Variants in CTNNA1 observed in about 807,000 individuals in gnomAD.
The protein encoded by CTNNA1 is catenin alpha 1, also known as catenin alpha-1.
A neutral mutation model predicts 98.4 loss-of-function variants in CTNNA1; 37 were observed. The ratio of observed to expected loss-of-function variants is 0.38; its 90% CI spans 0.29 to 0.49. The LOEUF (loss-of-function observed/expected upper bound fraction) is 0.49. CTNNA1 is among the 20% of genes least tolerant of loss of function. The pLI is 0.95. For synonymous variants in CTNNA1, 404 were observed against 413.2 expected, an observed-to-expected ratio of 0.98 and a Z score of 0.27; for missense variants, 761 against 1,147.2, an observed-to-expected ratio of 0.66 and a Z score of 4.86.
At chr5:138,778,544 C>T (rs79410036) in intron 1 of CTNNA1, among the ~76,000 whole-genome samples, 3,687 of 152,148 alleles carry the variant, frequency 0.024, 65 homozygotes, top group Non-Finnish European at 0.034. Context: ...GTTACTATTT[C>T]CCCCATCTGT....
intron 3 of CTNNA1, among the ~76,000 whole-genome samples, chr5:138,788,621 T>C (rs1044469448): frequency 3.3e-5 from 5 of 152,022 alleles, no homozygotes; most frequent in African/African-American, 1.2e-4. Context: ...AGATAAAGAG[T>C]AGCAGCTGCC....
intron 7 of CTNNA1, among the ~76,000 whole-genome samples, chr5:138,858,781 T>C (rs1730493979): frequency 6.6e-6 from 1 of 152,090 alleles, no homozygotes; most frequent in Admixed American, 6.5e-5. Flanking sequence ...GTATTTTTAG[T>C]AGAGACAGGG....
chr5:138,784,484 AT>A (rs2149660226), intron 3 of CTNNA1, among the ~76,000 whole-genome samples: 1 of 152,356 alleles, frequency 6.6e-6, no homozygotes, highest in Non-Finnish European at 1.5e-5. Context: ...TTGTGAACAA[AT>A]AACCTTCAAT....
chr5:138,842,129 A>C (rs533296482), intron 7 of CTNNA1, among the ~76,000 whole-genome samples: 6 of 152,142 alleles, frequency 3.9e-5, no homozygotes, highest in Non-Finnish European at 7.3e-5. Context: ...GCAAAACTCT[A>C]TCTCTATAAA....
chr5:138,806,586 G>T (rs1758104948), intron 3 of CTNNA1, among the ~76,000 whole-genome samples: 1 of 151,984 alleles, frequency 6.6e-6, no homozygotes, highest in Admixed American at 6.6e-5. Flanking sequence ...ATGTACTTTA[G>T]ATAGGTTAAT....
At chr5:138,777,284 A>T (rs1754421764) in intron 1 of CTNNA1, among the ~76,000 whole-genome samples, 1 of 149,188 alleles carries the variant, frequency 6.7e-6, no homozygotes. Context: ...GACGCTCCTC[A>T]CTTCCTAGAT....
At chr5:138,757,275 A>T (rs1044583073) in intron 1 of CTNNA1, among the ~76,000 whole-genome samples, 4 of 152,120 alleles carry the variant, frequency 2.6e-5, no homozygotes, top group Non-Finnish European at 4.4e-5. Context: ...GTTAGGGGCC[A>T]GGTGAAGGGG....
intron 9 of CTNNA1, among the ~76,000 whole-genome samples, chr5:138,896,167 C>T (rs978183072): frequency 3.3e-5 from 5 of 152,124 alleles, no homozygotes; most frequent in African/African-American, 1.2e-4. Flanking sequence ...GAAGTAAATT[C>T]CTCTAGTCCC....
At chr5:138,806,694 A>G (rs1401779453) in intron 3 of CTNNA1, among the ~76,000 whole-genome samples, 1 of 151,494 alleles carries the variant, frequency 6.6e-6, no homozygotes, top group Non-Finnish European at 1.5e-5. Flanking sequence ...CATATCCCTT[A>G]CTCCTCAGTT....
intron 1 of CTNNA1, among the ~76,000 whole-genome samples, chr5:138,759,783 G>C (rs1263145395): frequency 6.6e-6 from 1 of 152,090 alleles, no homozygotes; most frequent in Admixed American, 6.6e-5. Flanking sequence ...CTGCTGCTCA[G>C]CTAAGGGCTG....
chr5:138,850,860 A>C (rs1344355818), intron 7 of CTNNA1, among the ~76,000 whole-genome samples: 1 of 152,224 alleles, frequency 6.6e-6, no homozygotes, highest in Non-Finnish European at 1.5e-5. Flanking sequence ...AACAAACAGA[A>C]ACCCTGTCTA....
rs1423464107 is a variant in CTNNA1 at position 138,753,440 on chromosome 5, C to T, written c.-73C>T. On this transcript the variant is annotated 5_prime_UTR_variant, in exon 1 of 18. Transcript: ENST00000302763. ...GGCCCATTTCCTCCTCCTAGCCGGA[C>T]TGGAGGGAGACAAAGCAGCGCCCGT... The T allele has an allele frequency of 2.7e-6, 1 of 373,326 alleles. No homozygotes were observed. The highest frequency in any genetic ancestry group is 3.8e-5 in the East Asian group (1 of 26,142). 23.1% of individuals were successfully genotyped at this position (373,326 alleles called of 1,614,324 possible). A position where few individuals can be genotyped will look rare whatever the true frequency, so the allele number is the denominator to read the frequency against.
intron 7 of CTNNA1, among the ~76,000 whole-genome samples, chr5:138,864,375 C>T (rs903701821): frequency 2.0e-5 from 3 of 152,122 alleles, no homozygotes; most frequent in African/African-American, 4.8e-5. Flanking sequence ...GGCTAAGTGA[C>T]TCCTGAGCAG....
chr5:138,783,727 T>C (rs768805716), intron 3 of CTNNA1, among the ~76,000 whole-genome samples: 7 of 152,192 alleles, frequency 4.6e-5, no homozygotes, highest in African/African-American at 9.6e-5. Context: ...AGGAAAGAAA[T>C]GGGACCGAAG....
intron 1 of CTNNA1, among the ~76,000 whole-genome samples, chr5:138,773,729 TA>T (rs1753794908): frequency 6.6e-6 from 1 of 151,740 alleles, no homozygotes; most frequent in South Asian, 2.1e-4. Context: ...TTTTTTTTTT[TA>T]GACAGAGTCT....
chr5:138,773,713 A>ATT (rs757583665), intron 1 of CTNNA1, among the ~76,000 whole-genome samples: 3 of 142,196 alleles, frequency 2.1e-5, no homozygotes, highest in Non-Finnish European at 3.1e-5. Context: ...TGGTGAATTA[A>ATT]TTTTTTTTTT....
At chr5:138,767,571 C>T (rs1580887961) in intron 1 of CTNNA1, among the ~76,000 whole-genome samples, 1 of 152,236 alleles carries the variant, frequency 6.6e-6, no homozygotes, top group South Asian at 2.1e-4. Context: ...TACCTTCTAT[C>T]GTATTATAAC....
intron 10 of CTNNA1, among the ~76,000 whole-genome samples, chr5:138,910,316 C>A (rs1004562608): frequency 2.9e-5 from 4 of 138,090 alleles, no homozygotes; most frequent in African/African-American, 1.1e-4. Flanking sequence ...ACCAGTGAAG[C>A]CTGGTAACTG....
intron 7 of CTNNA1, among the ~76,000 whole-genome samples, chr5:138,866,725 C>G (rs1401074939): frequency 2.6e-5 from 4 of 152,196 alleles, no homozygotes; most frequent in Non-Finnish European, 5.9e-5. Context: ...AGATTTCTTG[C>G]TCTTTACTGT....
Sources: allele counts gnomAD v4.1 joint callset (sites outside exome capture counted in the v4.1 genomes callset), GRCh38; gene constraint gnomAD v4.1.1; transcripts MANE v1.5; gene names NCBI Gene and HGNC (gene_info 2026-07-23, HGNC 2026-07-21).